Variants in TMEM212 observed in about 807,000 individuals in gnomAD.
The protein encoded by TMEM212 is transmembrane protein 212.
A neutral mutation model predicts 20.5 loss-of-function variants in TMEM212; 23 were observed. That is an observed-to-expected ratio of 1.12 (90% CI 0.81 to 1.59). TMEM212 has a LOEUF of 1.59. TMEM212 is among the 40% of genes most tolerant of loss of function. The pLI, the probability that TMEM212 is intolerant of heterozygous loss-of-function variation, is 0.00. For missense variants in TMEM212, 211 were observed against 215.0 expected (o/e 0.98, Z 0.12); for synonymous variants, 76 against 81.6 (o/e 0.93, Z 0.37).
chr3:171,844,321 CCTT>C (rs1724784492), intron 1 of TMEM212, among the ~76,000 whole-genome samples: 2 of 152,286 alleles, frequency 1.3e-5, no homozygotes, highest in Admixed American at 1.3e-4. Flanking sequence ...TCCAACAAAT[CCTT>C]CTCTCATTGA....
intron 1 of TMEM212, among the ~76,000 whole-genome samples, chr3:171,849,406 A>G (rs1465470781): frequency 3.3e-5 from 5 of 152,116 alleles, no homozygotes; most frequent in Admixed American, 6.5e-5. Context: ...AGTCAGAACC[A>G]CTATTTGTAC....
At position 171,853,851 on chromosome 3, in the gene TMEM212, G is replaced by GT. The variant is rs769919151; in HGVS notation, c.543+2dup. On this transcript the variant is annotated splice_donor_variant, in intron 3 of 4. Transcript: ENST00000334567. LOFTEE classifies it high-confidence loss of function. ...ACTTATCCAGAATGGACACATAAACGTAAGTTTCAACAAAGGGGAGGCAGG... is the reference window on the plus strand; with the variant it reads ...ACTTATCCAGAATGGACACATAAACGTTAAGTTTCAACAAAGGGGAGGCAGG... 11 of 1,530,454 alleles carry GT rather than the reference G, an allele frequency of 7.2e-6. No individual in the cohort carries two copies. In the South Asian group the frequency reaches 1.2e-4, roughly 17 times the overall value. 94.8% of individuals were successfully genotyped at this position (1,530,454 alleles called of 1,614,324 possible).
At position 171,853,700 on chromosome 3, in the gene TMEM212, C is replaced by T. The variant is rs1469688548; in HGVS notation, c.393C>T (p.Phe131=). ...CCTTTCCTTATCCATATGCAAAATT[C>T]CCATTAGCCTGTGTGGACCCACCAC... ...AVTFPYPYAK[F]PLACVDPPHY... is the part of the protein sequence containing the mutation. Residue 131 remains phenylalanine (F), a synonymous_variant, in exon 3 of 5, where the codon TTC becomes TTT. Coordinates refer to ENST00000334567, the MANE Select transcript of TMEM212 (RefSeq NM_001164436.2). The T allele has an allele frequency of 6.5e-7, 1 of 1,537,374 alleles. No individual in the cohort carries two copies. Among genetic ancestry groups the T allele is most frequent in the African/African-American group, 1.4e-5 (1 of 73,022 alleles).
chr3:171,846,111 CT>C (rs1724826100), intron 1 of TMEM212, among the ~76,000 whole-genome samples: 1 of 152,196 alleles, frequency 6.6e-6, no homozygotes, highest in African/African-American at 2.4e-5. Context: ...GGTCACTTCT[CT>C]CCCATCACAT....
chr3:171,847,755 A>T (rs1384312394), intron 1 of TMEM212, among the ~76,000 whole-genome samples: 1 of 152,064 alleles, frequency 6.6e-6, no homozygotes, highest in Non-Finnish European at 1.5e-5. Context: ...CTTGCTGAAG[A>T]CAGGCCAGGG....
At chr3:171,851,623 T>G (rs1724978215) in intron 1 of TMEM212, among the ~76,000 whole-genome samples, 3 of 152,184 alleles carry the variant, frequency 2.0e-5, no homozygotes, top group Non-Finnish European at 4.4e-5. Context: ...CATCAGTTTG[T>G]GAGAAAGGTG....
chr3:171,850,916 G>A (rs996188244), intron 1 of TMEM212, among the ~76,000 whole-genome samples: 3 of 152,008 alleles, frequency 2.0e-5, no homozygotes, highest in African/African-American at 7.3e-5. Flanking sequence ...AAATATGCCA[G>A]GAAAATGAAA....
intron 1 of TMEM212, 115 bp downstream of exon 1, chr3:171,843,657 C>T: frequency 3.3e-6 from 3 of 906,796 alleles, no homozygotes; most frequent in Non-Finnish European, 4.6e-6. Context: ...AGTCAAAATT[C>T]CACAAAAAAT....
chr3:171,853,503 A>T (rs1414903227), intron 2 of TMEM212, 24 bp from the exon 3 acceptor site: 1 of 1,522,388 alleles, frequency 6.6e-7, no homozygotes, highest in Non-Finnish European at 8.8e-7. Flanking sequence ...CCAAAGTAAC[A>T]ATTTATTTTT....
chr3:171,858,002 A>C (rs920167643), intron 4 of TMEM212, 59 bp from the exon 5 acceptor site: 4 of 152,090 alleles, frequency 2.6e-5, no homozygotes, highest in Non-Finnish European at 4.4e-5. Flanking sequence ...TGCCCAAGGT[A>C]ATTTATAGAT....
At chr3:171,854,808 A>G (rs1447452182) in intron 3 of TMEM212, among the ~76,000 whole-genome samples, 2 of 152,238 alleles carry the variant, frequency 1.3e-5, no homozygotes, top group Non-Finnish European at 2.9e-5. Flanking sequence ...AGACCAATGG[A>G]ACAGGACATA....
chr3:171,846,757 G>T (rs1724844114), intron 1 of TMEM212, among the ~76,000 whole-genome samples: 1 of 152,164 alleles, frequency 6.6e-6, no homozygotes, highest in African/African-American at 2.4e-5. Context: ...TTGGACGAAC[G>T]TTATGTTTTT....
intron 4 of TMEM212, among the ~76,000 whole-genome samples, chr3:171,857,491 C>T (rs1378410582): frequency 1.3e-5 from 2 of 152,094 alleles, no homozygotes; most frequent in African/African-American, 4.8e-5. Flanking sequence ...CTTAGCACTG[C>T]TTTTTTTGGA....
intron 3 of TMEM212, 69 bp downstream of exon 3, chr3:171,853,919 T>G: frequency 8.3e-7 from 1 of 1,200,486 alleles, no homozygotes. Flanking sequence ...GTCTGGTATG[T>G]GAACAGTTGA....
chr3:171,853,407 C>A, intron 2 of TMEM212, 120 bp from the exon 3 acceptor site: 12 of 766,506 alleles, frequency 1.6e-5, no homozygotes, highest in East Asian at 2.8e-5. Context: ...ATTGATTTCT[C>A]CCTCATTTTC....
chr3:171,844,752 TA>T (rs574327661), intron 1 of TMEM212, among the ~76,000 whole-genome samples: 314 of 152,294 alleles, frequency 2.1e-3, no homozygotes, highest in Non-Finnish European at 3.6e-3. Context: ...GATAGTATCT[TA>T]AATCTTTAAA....
At position 171,859,026 on chromosome 3, in the gene TMEM212, C is replaced by A. The variant is rs944736855; in HGVS notation, c.*969C>A. On this transcript the variant is annotated 3_prime_UTR_variant, in exon 5 of 5. Transcript: ENST00000334567. Reference sequence around the variant, plus strand: ...GGACATAGATGAAGCTGGAAACCATCATTCTCCGCAAACTGTCACAAGGAC... The same window carrying A: ...GGACATAGATGAAGCTGGAAACCATAATTCTCCGCAAACTGTCACAAGGAC... The A allele has an allele frequency of 1.3e-5, 2 of 152,266 alleles. No individual in the cohort carries two copies. The highest frequency in any genetic ancestry group is 4.8e-5 in the African/African-American group (2 of 41,442). The allele number at this position is 152,266 out of a possible 1,614,324, so 9.4% of individuals were successfully genotyped here. A position where few individuals can be genotyped will look rare whatever the true frequency, so the allele number is the denominator to read the frequency against.
At position 171,843,482 on chromosome 3, in the gene TMEM212, C is replaced by A. The variant is rs770312682; in HGVS notation, c.99C>A (p.Tyr33Ter). 1 of 1,537,116 alleles carries A rather than the reference C, an allele frequency of 6.5e-7. No homozygotes were observed. The stretch of plus-strand genomic sequence containing the variant: ...TTGCTTTCTTTCCTGTCTTTTCTTA[C>A]AAGCCTTGGTTCACAGGATGGAGTG... ...GVIAFFPVFS[Y>*]KPWFTGWSVR... Residue 33 changes from tyrosine to a stop codon, truncating the protein, a stop_gained, in exon 1 of 5, where the codon TAC (tyrosine) becomes TAA (stop). Transcript: ENST00000334567. LOFTEE classifies it high-confidence loss of function.
At chr3:171,847,926 C>T (rs771902693) in intron 1 of TMEM212, among the ~76,000 whole-genome samples, 86 of 152,090 alleles carry the variant, frequency 5.7e-4, no homozygotes, top group Admixed American at 3.9e-4. Flanking sequence ...ACAGATGGGC[C>T]TAGGAGAAGG....
Sources: gnomAD v4.1 joint callset for allele counts (sites outside exome capture counted in the v4.1 genomes callset) on GRCh38, gnomAD v4.1.1 for gene constraint, MANE v1.5 for transcripts, NCBI Gene and HGNC (gene_info 2026-07-23, HGNC 2026-07-21) for gene names.